SCRN2: variants seen among roughly 807,000 people sequenced by gnomAD.
The protein encoded by SCRN2 is secernin 2.
SCRN2 carries 30 observed loss-of-function variants against 40.1 expected under a neutral mutation model. The ratio of observed to expected loss-of-function variants is 0.75; its 90% CI spans 0.56 to 1.01. SCRN2 has a LOEUF of 1.01. SCRN2 is among the 50% of genes least tolerant of loss of function. The pLI, the probability that SCRN2 is intolerant of heterozygous loss-of-function variation, is 0.00. For synonymous variants in SCRN2, 240 were observed against 233.5 expected, an observed-to-expected ratio of 1.03 and a Z score of -0.25; for missense variants, 526 against 564.9, an observed-to-expected ratio of 0.93 and a Z score of 0.70.
intron 3 of SCRN2, 92 bp from the exon 4 acceptor site, chr17:47,839,735 G>T: frequency 2.9e-6 from 4 of 1,399,844 alleles, no homozygotes; most frequent in Non-Finnish European, 4.0e-6. Flanking sequence ...GCCCGGAGAG[G>T]TTTGGTGATA....
intron 3 of SCRN2, 101 bp from the exon 4 acceptor site, chr17:47,839,744 T>C (rs1253768745): frequency 5.6e-6 from 7 of 1,239,156 alleles, no homozygotes; most frequent in Non-Finnish European, 8.2e-6. Context: ...GGTTTGGTGA[T>C]AGGCCCAAGT....
rs199533557 is a variant in SCRN2 at position 47,839,456 on chromosome 17, G to C, written c.544C>G (p.Gln182Glu). 1 of 1,612,770 alleles carries C rather than the reference G, an allele frequency of 6.2e-7. No homozygotes were observed. Among genetic ancestry groups the C allele is most frequent in the Non-Finnish European group, 8.5e-7 (1 of 1,180,002 alleles). ...GGGAACACCTCACCCTGGATCCTCTGTGCAGCCCAGAGCCTCCCAGCTGTC... is the reference window on the plus strand; with the variant it reads ...GGGAACACCTCACCCTGGATCCTCTCTGCAGCCCAGAGCCTCCCAGCTGTC... ...LETAGRLWAA[Q>E]RIQEGARNIS... is the part of the protein sequence containing the mutation. The change falls in exon 4 of 8, where the codon CAG becomes GAG. Residue 182 changes from glutamine to glutamate, a missense_variant. Physicochemically the swap from Gln to Glu is conservative, Grantham distance 29 (BLOSUM62 2). Transcript: ENST00000290216.
rs760718474 is a variant in SCRN2 at position 47,838,011 on chromosome 17, A to G, written c.1120-9T>C. On this transcript the variant is annotated splice_polypyrimidine_tract_variant and intron_variant, in intron 7 of 7. Coordinates refer to ENST00000290216, the MANE Select transcript of SCRN2 (RefSeq NM_138355.4). ...AGCTGCTGCCCCCGATCCTGCCCCA[A>G]GGGAAAGCTGAGATGAGTCTGTCCG... 4 of 1,604,500 alleles carry G rather than the reference A, an allele frequency of 2.5e-6. No individual in the cohort carries two copies. Among genetic ancestry groups the G allele is most frequent in the South Asian group, 1.1e-5 (1 of 90,888 alleles).
At chr17:47,841,019 C>G in intron 1 of SCRN2, 176 bp from the exon 2 acceptor site, 1 of 516,734 alleles carries the variant, frequency 1.9e-6, no homozygotes, top group Non-Finnish European at 3.1e-6. Flanking sequence ...CCCCAGGCTC[C>G]AGGCTTGGGA....
chr17:47,838,797 G>C lies in SCRN2; in HGVS notation c.766C>G (p.Arg256Gly), dbSNP rs199783567. The C allele has an allele frequency of 6.2e-7, 1 of 1,612,606 alleles. No homozygotes were observed. Among genetic ancestry groups the C allele is most frequent in the Non-Finnish European group, 8.5e-7 (1 of 1,179,990 alleles). ...CCCTCCACCGTTCACTAACCTTGCCGTTGCCGCAGCAGCTCCCGCCCTGCC... is the reference window on the plus strand; with the variant it reads ...CCCTCCACCGTTCACTAACCTTGCCCTTGCCGCAGCAGCTCCCGCCCTGCC... Reference protein sequence around the residue: ...FQAGRELLRQRQGGITAEVMM... With the variant: ...FQAGRELLRQGQGGITAEVMM... The change falls in exon 5 of 8, where the codon CGG becomes GGG. Residue 256 changes from arginine to glycine, a missense_variant. Transcript: ENST00000290216.
intron 7 of SCRN2, 78 bp from the exon 8 acceptor site, chr17:47,838,080 C>T: frequency 6.4e-7 from 1 of 1,563,654 alleles, no homozygotes; most frequent in Non-Finnish European, 8.6e-7. Context: ...TGTACCACCT[C>T]ACACAAGCAG....
At chr17:47,840,996 G>A (rs1376203068) in intron 1 of SCRN2, 153 bp from the exon 2 acceptor site, 1 of 643,548 alleles carries the variant, frequency 1.6e-6, no homozygotes, top group East Asian at 3.5e-5. Flanking sequence ...GGGAACGGAG[G>A]TGCCCACCCT....
chr17:47,840,609 A>C (rs772354705), intron 2 of SCRN2, 61 bp downstream of exon 2: 1 of 1,507,370 alleles, frequency 6.6e-7, no homozygotes, highest in Non-Finnish European at 8.9e-7. Flanking sequence ...GCAGGGAAGA[A>C]GGTCTTAAAA....
Position 47,839,380 on chromosome 17 carries a change from G to A in SCRN2, c.556+64C>T, listed in dbSNP as rs1041723926. ...GTCCTGACAGGCTTGCACCTGGATC[G>A]GGCCCCTCCCTGCCCCTACCATCTC... is the stretch of plus-strand genomic sequence containing the variant. On this transcript the variant is annotated intron_variant, in intron 4 of 7. Transcript: ENST00000290216. 26 of 1,542,094 alleles carry A rather than the reference G, an allele frequency of 1.7e-5. No individual in the cohort carries two copies. In the Admixed American group the frequency reaches 2.0e-4, roughly 12 times the overall value.
At chr17:47,839,114 A>C in intron 4 of SCRN2, 108 bp from the exon 5 acceptor site, 3 of 1,193,314 alleles carry the variant, frequency 2.5e-6, no homozygotes, top group Non-Finnish European at 3.5e-6. Context: ...ACCTACCCTC[A>C]TGGAGCCTAC....
In SCRN2 at chr17:47,838,865, G is replaced by A; in HGVS notation, c.698C>T (p.Thr233Ile). 6.2e-7 allele frequency: 1 copy of A among 1,613,706 alleles called. No individual in the cohort carries two copies. Among genetic ancestry groups the A allele is most frequent in the Non-Finnish European group, 8.5e-7 (1 of 1,180,046 alleles). Residue 233 changes from threonine to isoleucine, a missense_variant, in exon 5 of 8, where the codon ACC becomes ATC. Thr to Ile is a moderately conservative substitution (Grantham distance 89). Transcript: ENST00000290216. ...AGCCTCCATGCGCACAGGCTGCTGG[G>A]TCAGGGAGAAGATCTGAGCAAAGTC... ...AFDFAQIFSL[T>I]QQPVRMEAAK...
Position 47,838,425 on chromosome 17 carries a change from C to A in SCRN2, c.964G>T (p.Gly322Trp), listed in dbSNP as rs761707106. ...TGGGGGGCCTGGGCCACCCCCATCCCGAAGATGAAAGGTTTGAACACAGAC... is the reference window on the plus strand; with the variant it reads ...TGGGGGGCCTGGGCCACCCCCATCCAGAAGATGAAAGGTTTGAACACAGAC... ...SRSVFKPFIF[G>W]MGVAQAPQVL... The change falls in exon 7 of 8, where the codon GGG (glycine) becomes TGG (tryptophan). Residue 322 changes from glycine (G) to tryptophan (W), a missense_variant. Transcript: ENST00000290216. The A allele has an allele frequency of 1.2e-6, 2 of 1,612,298 alleles. No individual in the cohort carries two copies. The highest frequency in any genetic ancestry group is 1.7e-6 in the Non-Finnish European group (2 of 1,179,488).
intron 3 of SCRN2, chr17:47,839,911 C>G (rs564486613): frequency 2.5e-5 from 15 of 594,166 alleles, no homozygotes; most frequent in Non-Finnish European, 4.2e-5. Context: ...CCTCTCTCCA[C>G]CCAGAGCTGC....
intron 3 of SCRN2, chr17:47,839,912 C>A: frequency 1.7e-6 from 1 of 593,958 alleles, no homozygotes; most frequent in Non-Finnish European, 3.0e-6. Context: ...CTCTCTCCAC[C>A]CAGAGCTGCT....
rs1435270761 is a variant in SCRN2 at position 47,838,432 on chromosome 17, G to A, written c.957C>T (p.Phe319=). 2 of 1,612,552 alleles carry A rather than the reference G, an allele frequency of 1.2e-6. No individual in the cohort carries two copies. The highest frequency in any genetic ancestry group is 1.7e-6 in the Non-Finnish European group (2 of 1,179,554). The change falls in exon 7 of 8, where the codon TTC becomes TTT. Residue 319 remains phenylalanine (F), a synonymous_variant. Transcript: ENST00000290216. ...CCTGGGCCACCCCCATCCCGAAGAT[G>A]AAAGGTTTGAACACAGACCTAGAGG... is the stretch of plus-strand genomic sequence containing the variant. ...PDPSRSVFKP[F]IFGMGVAQAP...
rs1307567556 is a variant in SCRN2 at position 47,838,858 on chromosome 17, C to A, written c.705G>T (p.Gln235His). 1 of 1,613,664 alleles carries A rather than the reference C, an allele frequency of 6.2e-7. No individual in the cohort carries two copies. Among genetic ancestry groups the A allele is most frequent in the South Asian group, 1.1e-5 (1 of 91,082 alleles). Residue 235 changes from glutamine (Q) to histidine (H), a missense_variant, in exon 5 of 8, where the codon CAG becomes CAT. Gln to His is a conservative substitution (Grantham distance 24, BLOSUM62 0). Transcript: ENST00000290216. ...CCTTGGCAGCCTCCATGCGCACAGGCTGCTGGGTCAGGGAGAAGATCTGAG... is the reference window on the plus strand; with the variant it reads ...CCTTGGCAGCCTCCATGCGCACAGGATGCTGGGTCAGGGAGAAGATCTGAG... Reference protein sequence around the residue: ...DFAQIFSLTQQPVRMEAAKAR... With the variant: ...DFAQIFSLTQHPVRMEAAKAR...
chr17:47,838,011 AG>A lies in SCRN2; in HGVS notation c.1120-10del. 6.2e-7 allele frequency: 1 copy of A among 1,604,500 alleles called. No homozygotes were observed. The highest frequency in any genetic ancestry group is 8.5e-7 in the Non-Finnish European group (1 of 1,179,268). On this transcript the variant is annotated splice_polypyrimidine_tract_variant and intron_variant, in intron 7 of 7. Transcript: ENST00000290216. ...AGCTGCTGCCCCCGATCCTGCCCCA[AG>A]GGAAAGCTGAGATGAGTCTGTCCGG... is the stretch of plus-strand genomic sequence containing the variant.
intron 2 of SCRN2, 40 bp from the exon 3 acceptor site, chr17:47,840,412 A>C (rs762242336): frequency 6.2e-7 from 1 of 1,605,344 alleles, no homozygotes. Flanking sequence ...CCACTCATAG[A>C]GGGGCGGCCC....
At position 47,840,853 on chromosome 17, in the gene SCRN2, G is replaced by A. The variant is rs1201705359; in HGVS notation, c.1-10C>T. 6.6e-7 allele frequency: 1 copy of A among 1,513,842 alleles called. No individual in the cohort carries two copies. Among genetic ancestry groups the A allele is most frequent in the Non-Finnish European group, 8.9e-7 (1 of 1,128,746 alleles). 93.8% of individuals were successfully genotyped at this position (1,513,842 alleles called of 1,614,324 possible). A position where few individuals can be genotyped will look rare whatever the true frequency, so the allele number is the denominator to read the frequency against. ...GGCTCGACGACGCCATCTGGGGAGA[G>A]GCGGGCCTCTCCATAACCCTGGCCA... On this transcript the variant is annotated splice_polypyrimidine_tract_variant and intron_variant, in intron 1 of 7. Transcript: ENST00000290216.
Sources: allele counts gnomAD v4.1 joint callset, GRCh38; gene constraint gnomAD v4.1.1; transcripts MANE v1.5; gene names NCBI Gene and HGNC (gene_info 2026-07-23, HGNC 2026-07-21).